Variants in DPYD observed in about 807,000 individuals in gnomAD.
DPYD encodes the protein dihydropyrimidine dehydrogenase [NADP(+)].
A neutral mutation model predicts 116.2 loss-of-function variants in DPYD; 109 were observed. The observed-to-expected ratio is 0.94, with a 90% CI of 0.80 to 1.10. The LOEUF (loss-of-function observed/expected upper bound fraction) is 1.10. Among genes scored for constraint, DPYD ranks in the 50% least tolerant of loss-of-function variants. The pLI is 0.00. For synonymous variants in DPYD, 440 were observed against 432.0 expected, an observed-to-expected ratio of 1.02 and a Z score of -0.23; for missense variants, 1,302 against 1,254.5, an observed-to-expected ratio of 1.04 and a Z score of -0.57.
intron 12 of DPYD, among the ~76,000 whole-genome samples, chr1:97,538,310 T>C (rs539367499): frequency 1.3e-5 from 2 of 152,294 alleles, no homozygotes; most frequent in South Asian, 2.1e-4. Context: ...TGCAGGTCTA[T>C]GGCATGAATT....
In DPYD at chr1:97,575,105, T is replaced by G. The variant is rs1226784995; in HGVS notation, c.1129-1135A>C. 2.0e-5 allele frequency among the ~76,000 whole-genome samples: 3 copies of G among 152,284 alleles called. No individual in the cohort carries two copies. The East Asian group carries it at 5.8e-4, about 29-fold the overall frequency. ...GGCCCATTTTCAGAGTTTCTAACTT[T>G]GGAGGGTTAAGTGGGGACTGAGGAT... On this transcript the variant is annotated intron_variant, in intron 10 of 22. Coordinates refer to ENST00000370192, the MANE Select transcript of DPYD (RefSeq NM_000110.4).
chr1:97,653,436 C>T (rs536917462), intron 8 of DPYD, among the ~76,000 whole-genome samples: 85 of 151,982 alleles, frequency 5.6e-4, no homozygotes, highest in Admixed American at 1.0e-3. Context: ...TCCCGAGTAG[C>T]TGGGATTACA....
intron 16 of DPYD, among the ~76,000 whole-genome samples, chr1:97,348,597 T>C (rs1043818383): frequency 2.0e-5 from 3 of 152,170 alleles, no homozygotes; most frequent in African/African-American, 7.2e-5. Flanking sequence ...GGAAAAACAG[T>C]GGCACAGCTT....
chr1:97,096,265 TG>T (rs1280567074), intron 21 of DPYD, among the ~76,000 whole-genome samples: 1 of 152,194 alleles, frequency 6.6e-6, no homozygotes, highest in African/African-American at 2.4e-5. Flanking sequence ...TTTTGTTTTT[TG>T]TCTAAGTTAT....
At chr1:97,330,441 C>G (rs906165122) in intron 16 of DPYD, among the ~76,000 whole-genome samples, 1 of 152,130 alleles carries the variant, frequency 6.6e-6, no homozygotes, top group African/African-American at 2.4e-5. Context: ...CTGTAATAAT[C>G]CTTATTTGAT....
chr1:97,767,190 A>T (rs867845757), intron 3 of DPYD, among the ~76,000 whole-genome samples: 3 of 152,130 alleles, frequency 2.0e-5, no homozygotes, highest in Non-Finnish European at 4.4e-5. Flanking sequence ...AATTAACATG[A>T]TGTTAGAACT....
chr1:97,119,152 GA>G (rs949295559), intron 20 of DPYD, among the ~76,000 whole-genome samples: 2 of 151,610 alleles, frequency 1.3e-5, no homozygotes, highest in Admixed American at 6.6e-5. Context: ...ATATTTATTT[GA>G]AAAAAAAGCC....
chr1:97,599,763 C>A (rs1401166860), intron 8 of DPYD, among the ~76,000 whole-genome samples: 2 of 148,080 alleles, frequency 1.4e-5, no homozygotes, highest in African/African-American at 5.0e-5. Context: ...GTGGCTCCTG[C>A]CTGTAATCCC....
At chr1:97,117,748 G>C (rs181664909) in intron 20 of DPYD, among the ~76,000 whole-genome samples, 2 of 152,192 alleles carry the variant, frequency 1.3e-5, no homozygotes, top group Non-Finnish European at 2.9e-5. Flanking sequence ...TTATTAGGGA[G>C]TTTTCTGTAC....
chr1:97,399,214 C>T (rs1203222737), intron 14 of DPYD, among the ~76,000 whole-genome samples: 2 of 152,240 alleles, frequency 1.3e-5, no homozygotes, highest in African/African-American at 4.8e-5. Flanking sequence ...ATCCTTTCCC[C>T]ATTGCTTGTT....
chr1:97,687,889 A>C (rs1660817253), intron 7 of DPYD, among the ~76,000 whole-genome samples: 1 of 152,154 alleles, frequency 6.6e-6, no homozygotes, highest in Non-Finnish European at 1.5e-5. Context: ...AAAACCAAAC[A>C]CTGCATGATC....
intron 20 of DPYD, among the ~76,000 whole-genome samples, chr1:97,169,539 T>TTTTATTTTATTTTATTTTATTTTAC (rs1387830198): frequency 3.3e-5 from 5 of 150,688 alleles, no homozygotes; most frequent in Admixed American, 1.3e-4. Flanking sequence ...TTTTATTTTA[T>TTTTATTTTATTTTATTTTATTTTAC]TTTATTTTAT....
intron 18 of DPYD, among the ~76,000 whole-genome samples, chr1:97,286,849 T>A (rs1231887557): frequency 6.6e-6 from 1 of 152,244 alleles, no homozygotes; most frequent in African/African-American, 2.4e-5. Flanking sequence ...TTTCAACTTG[T>A]TTGCCTTTGG....
At chr1:97,663,950 G>C (rs755629247) in intron 8 of DPYD, among the ~76,000 whole-genome samples, 19 of 152,044 alleles carry the variant, frequency 1.2e-4, no homozygotes, top group Non-Finnish European at 2.6e-4. Flanking sequence ...AAATTTTTTG[G>C]ATGCTCTTAT....
intron 2 of DPYD, among the ~76,000 whole-genome samples, chr1:97,833,415 T>C (rs1391406278): frequency 6.6e-6 from 1 of 152,164 alleles, no homozygotes. Flanking sequence ...ATAATTCTCT[T>C]GGAACAAGAG....
chr1:97,182,219 A>G (rs1412404994), intron 20 of DPYD, among the ~76,000 whole-genome samples: 2 of 152,110 alleles, frequency 1.3e-5, no homozygotes, highest in Non-Finnish European at 2.9e-5. Flanking sequence ...AAGGAGGAAT[A>G]ATCACAATTT....
intron 20 of DPYD, among the ~76,000 whole-genome samples, chr1:97,117,307 C>T (rs1244874159): frequency 1.3e-5 from 2 of 152,224 alleles, no homozygotes; most frequent in Non-Finnish European, 2.9e-5. Flanking sequence ...TTATCTGCTG[C>T]TTTCAACTAT....
At chr1:97,538,374 G>T (rs1430550757) in intron 12 of DPYD, among the ~76,000 whole-genome samples, 2 of 152,126 alleles carry the variant, frequency 1.3e-5, no homozygotes, top group African/African-American at 4.8e-5. Context: ...CTATTGAACT[G>T]CCATCAGATG....
chr1:97,229,589 T>TATATAA (rs1661454067), intron 19 of DPYD, among the ~76,000 whole-genome samples: 1 of 136,398 alleles, frequency 7.3e-6, no homozygotes, highest in African/African-American at 2.8e-5. Flanking sequence ...TATATATATA[T>TATATAA]ACTGATTTTA....
Sources: gnomAD v4.1 joint callset for allele counts (sites outside exome capture counted in the v4.1 genomes callset) on GRCh38, gnomAD v4.1.1 for gene constraint, MANE v1.5 for transcripts, NCBI Gene and HGNC (gene_info 2026-07-23, HGNC 2026-07-21) for gene names.